The following TIAM1 variants were observed in gnomAD, a reference collection of about 807,000 sequenced individuals.
The protein encoded by TIAM1 is rho guanine nucleotide exchange factor TIAM1.
A neutral mutation model predicts 163.5 loss-of-function variants in TIAM1; 65 were observed. That is an observed-to-expected ratio of 0.40 (90% confidence interval 0.33 to 0.49). The LOEUF (loss-of-function observed/expected upper bound fraction) is 0.49. TIAM1 is among the 20% of genes least tolerant of loss of function. TIAM1 has a pLI of 0.77. For missense variants in TIAM1, 1,789 were observed against 2,044.7 expected (o/e 0.87, Z 2.41); for synonymous variants, 833 against 810.1 (o/e 1.03, Z -0.48).
At chr21:31,530,962 G>A (rs1164732579) in intron 1 of TIAM1, among the ~76,000 whole-genome samples, 4 of 152,012 alleles carry the variant, frequency 2.6e-5, no homozygotes, top group Non-Finnish European at 5.9e-5. Context: ...CAATCACAGC[G>A]CCACTGACTT....
chr21:31,467,282 C>T (rs1207711150), intron 1 of TIAM1, among the ~76,000 whole-genome samples: 3 of 152,100 alleles, frequency 2.0e-5, no homozygotes, highest in African/African-American at 4.8e-5. Flanking sequence ...CAATGAACTA[C>T]GTTCACAACA....
At chr21:31,351,924 C>T (rs551724480) in intron 2 of TIAM1, among the ~76,000 whole-genome samples, 5 of 152,058 alleles carry the variant, frequency 3.3e-5, no homozygotes, top group African/African-American at 7.2e-5. Context: ...AAAAATTAGC[C>T]GGGTGTGGTG....
intron 23 of TIAM1, among the ~76,000 whole-genome samples, chr21:31,132,335 C>T (rs1265529994): frequency 6.6e-6 from 1 of 152,190 alleles, no homozygotes; most frequent in Non-Finnish European, 1.5e-5. Context: ...CTAGACTGCC[C>T]ATAGCCCTTC....
chr21:31,156,240 T>G lies in TIAM1; in HGVS notation c.2992-1814A>C, dbSNP rs141286017. Among the ~76,000 whole-genome samples, 1,310 of 152,324 alleles carry G rather than the reference T, an allele frequency of 8.6e-3. 17 individuals are homozygous for G. Among genetic ancestry groups the G allele is most frequent in the African/African-American group, 0.03 (1,250 of 41,556 alleles). On this transcript the variant is annotated intron_variant, in intron 16 of 27. Transcript: ENST00000541036. ...GAGCCAGGACCCACATCCACATAAT[T>G]ATTATTCTAATTCTCTTACAATTAC...
chr21:31,483,220 G>C (rs1197350206), intron 1 of TIAM1, among the ~76,000 whole-genome samples: 1 of 152,182 alleles, frequency 6.6e-6, no homozygotes, highest in Non-Finnish European at 1.5e-5. Flanking sequence ...TGGTGCTGCA[G>C]TCCCCACCAC....
chr21:31,329,771 G>T (rs2075618898), intron 2 of TIAM1, among the ~76,000 whole-genome samples: 1 of 152,160 alleles, frequency 6.6e-6, no homozygotes, highest in African/African-American at 2.4e-5. Context: ...AGGCTGCAAA[G>T]AACTTCAAGA....
At chr21:31,179,242 C>G (rs1454923684) in intron 15 of TIAM1, among the ~76,000 whole-genome samples, 5 of 151,476 alleles carry the variant, frequency 3.3e-5, no homozygotes, top group African/African-American at 4.8e-5. Context: ...CAAAAATTAG[C>G]CAGGCGAGGT....
intron 25 of TIAM1, among the ~76,000 whole-genome samples, chr21:31,129,314 A>G (rs999100404): frequency 6.6e-6 from 1 of 152,182 alleles, no homozygotes; most frequent in African/African-American, 2.4e-5. Flanking sequence ...AGCATCGTCT[A>G]ATTATATTAT....
intron 23 of TIAM1, among the ~76,000 whole-genome samples, chr21:31,131,521 T>C (rs2082411480): frequency 6.6e-6 from 1 of 152,220 alleles, no homozygotes; most frequent in Non-Finnish European, 1.5e-5. Flanking sequence ...GTTTCATTCT[T>C]ATATTCTTTC....
At chr21:31,261,204 G>A (rs976911810) in intron 4 of TIAM1, among the ~76,000 whole-genome samples, 4 of 150,950 alleles carry the variant, frequency 2.6e-5, no homozygotes, top group African/African-American at 9.7e-5. Context: ...ATCTCTCTCC[G>A]TAATCAGTGT....
chr21:31,273,670 C>A (rs1171798704), intron 3 of TIAM1, among the ~76,000 whole-genome samples: 1 of 152,196 alleles, frequency 6.6e-6, no homozygotes, highest in African/African-American at 2.4e-5. Flanking sequence ...CCTGGAGTAT[C>A]ACAACATAAT....
intron 1 of TIAM1, among the ~76,000 whole-genome samples, chr21:31,464,952 A>AT (rs1286654889): frequency 6.6e-6 from 1 of 152,026 alleles, no homozygotes; most frequent in African/African-American, 2.4e-5. Flanking sequence ...GGAGGTTGCA[A>AT]TAAGCTGAGA....
At chr21:31,398,451 C>T (rs1385756355) in intron 2 of TIAM1, among the ~76,000 whole-genome samples, 1 of 152,142 alleles carries the variant, frequency 6.6e-6, no homozygotes, top group African/African-American at 2.4e-5. Context: ...TAATTTTACT[C>T]CACTAAAAAT....
At chr21:31,391,454 G>A (rs910174319) in intron 2 of TIAM1, among the ~76,000 whole-genome samples, 8 of 152,008 alleles carry the variant, frequency 5.3e-5, no homozygotes, top group African/African-American at 9.7e-5. Flanking sequence ...GCAAAACCCC[G>A]GCTCTACTAA....
chr21:31,336,201 G>A (rs778858575), intron 2 of TIAM1, among the ~76,000 whole-genome samples: 16 of 152,208 alleles, frequency 1.1e-4, no homozygotes, highest in Non-Finnish European at 2.1e-4. Context: ...ACTCTGCTGG[G>A]ACATATTTCT....
chr21:31,414,092 G>A (rs1365302971), intron 2 of TIAM1, among the ~76,000 whole-genome samples: 2 of 152,182 alleles, frequency 1.3e-5, no homozygotes, highest in Non-Finnish European at 2.9e-5. Flanking sequence ...CAGGCTCTCA[G>A]GAGCCCATGG....
At chr21:31,419,604 CT>C (rs1487344644) in intron 2 of TIAM1, among the ~76,000 whole-genome samples, 1 of 152,106 alleles carries the variant, frequency 6.6e-6, no homozygotes, top group East Asian at 1.9e-4. Context: ...AGTTTAAACT[CT>C]TTTTCCAGTA....
rs1477844366 is a variant in TIAM1, at chr21:31,120,360, T to A, written c.*8A>T. 4 of 1,596,112 alleles carry A rather than the reference T, an allele frequency of 2.5e-6. No homozygotes were observed. In the Admixed American group the frequency reaches 5.1e-5, roughly 20 times the overall value. Reference sequence around the variant, plus strand: ...CTACACACATTCTCTACGGGGCAGGTGACGCAGTCAGATCTCAGTGTTCAG... The same window carrying A: ...CTACACACATTCTCTACGGGGCAGGAGACGCAGTCAGATCTCAGTGTTCAG... On this transcript the variant is annotated 3_prime_UTR_variant, in exon 28 of 28. Coordinates refer to ENST00000541036, the MANE Select transcript of TIAM1 (RefSeq NM_001353694.2). This position sits in a 1 kb window ranked among gnomAD's most constrained non-coding sequence, Gnocchi z 4.2.
At chr21:31,459,110 T>G (rs2045226976) in intron 2 of TIAM1, among the ~76,000 whole-genome samples, 1 of 141,332 alleles carries the variant, frequency 7.1e-6, no homozygotes, top group Admixed American at 7.1e-5. Flanking sequence ...GGAGACTTGA[T>G]TGCTATTGAT....
Sources: allele counts gnomAD v4.1 joint callset (sites outside exome capture counted in the v4.1 genomes callset), GRCh38; gene constraint gnomAD v4.1.1; non-coding constraint Gnocchi (gnomAD v3.1); transcripts MANE v1.5; gene names NCBI Gene and HGNC (gene_info 2026-07-23, HGNC 2026-07-21).